Variants in CFAP91 observed in about 807,000 individuals in gnomAD.
CFAP91 encodes the protein cilia- and flagella-associated protein 91.
A neutral mutation model predicts 95.9 loss-of-function variants in CFAP91; 85 were observed. That is an observed-to-expected ratio of 0.89 (90% CI 0.74 to 1.06). CFAP91 has a LOEUF of 1.06. CFAP91 is among the 50% of genes least tolerant of loss of function. The pLI is 0.00. For synonymous variants in CFAP91, 335 were observed against 327.5 expected, an observed-to-expected ratio of 1.02 and a Z score of -0.25; for missense variants, 962 against 943.4, an observed-to-expected ratio of 1.02 and a Z score of -0.26.
intron 5 of CFAP91, chr3:119,715,291 C>A: frequency 1.8e-6 from 1 of 546,994 alleles, no homozygotes; most frequent in Non-Finnish European, 3.3e-6. Flanking sequence ...TACAACCTTG[C>A]CCAGTGACAC....
At chr3:119,751,151 A>C (rs2054318171) in intron 17 of CFAP91, 53 bp downstream of exon 17, 1 of 1,546,902 alleles carries the variant, frequency 6.5e-7, no homozygotes, top group Admixed American at 2.0e-5. Flanking sequence ...GAAAAGCGGC[A>C]TTGTTCAGCT....
At chr3:119,764,410 A>G (rs1054507374) in intron 17 of CFAP91, among the ~76,000 whole-genome samples, 1 of 152,134 alleles carries the variant, frequency 6.6e-6, no homozygotes, top group Non-Finnish European at 1.5e-5. Flanking sequence ...TTTCACAAAC[A>G]TATCTTTGAG....
intron 14 of CFAP91, 29 bp downstream of exon 14, chr3:119,744,225 G>GCTGGGTGTGTTTCCCACC (rs2054180552): frequency 1.3e-6 from 2 of 1,572,328 alleles, no homozygotes; most frequent in African/African-American, 2.7e-5. Flanking sequence ...GTGTGTGGAA[G>GCTGGGTGTGTTTCCCACC]CTGCCTAGAA....
intron 6 of CFAP91, among the ~76,000 whole-genome samples, chr3:119,724,344 T>C (rs1442273635): frequency 1.3e-5 from 2 of 152,098 alleles, no homozygotes; most frequent in African/African-American, 4.8e-5. Context: ...TGGGGCTCAA[T>C]GTGGTAGTTA....
chr3:119,759,332 A>G (rs1463732733), intron 17 of CFAP91, among the ~76,000 whole-genome samples: 1 of 152,034 alleles, frequency 6.6e-6, no homozygotes, highest in Non-Finnish European at 1.5e-5. Flanking sequence ...CTGTAAAAAT[A>G]AAATAAAAAT....
chr3:119,706,755 G>C, intron 1 of CFAP91, 54 bp from the exon 2 acceptor site: 1 of 1,330,056 alleles, frequency 7.5e-7, no homozygotes, highest in Non-Finnish European at 1.1e-6. Flanking sequence ...ATTATTCTCA[G>C]CCTAGGGGTA....
intron 1 of CFAP91, chr3:119,705,974 A>G (rs2053351854): frequency 6.6e-6 from 1 of 152,208 alleles, no homozygotes; most frequent in African/African-American, 2.4e-5. Flanking sequence ...TTCAAAAGAG[A>G]CTTGTTTCTA....
chr3:119,747,029 A>T (rs1469158408), intron 14 of CFAP91, 86 bp from the exon 15 acceptor site: 2 of 1,090,014 alleles, frequency 1.8e-6, no homozygotes, highest in Non-Finnish European at 2.6e-6. Flanking sequence ...TATGAGCTAG[A>T]AAAAGTTAAC....
chr3:119,709,458 C>T (rs1387567572), intron 4 of CFAP91, among the ~76,000 whole-genome samples: 2 of 152,150 alleles, frequency 1.3e-5, no homozygotes, highest in Non-Finnish European at 2.9e-5. Context: ...ACTGTGAATT[C>T]CAGAATGTCT....
At chr3:119,716,278 A>G (rs1559749915) in intron 6 of CFAP91, among the ~76,000 whole-genome samples, 1 of 152,256 alleles carries the variant, frequency 6.6e-6, no homozygotes, top group South Asian at 2.1e-4. Context: ...GCCTAGGCCT[A>G]TATTATGTGA....
rs530366924 is a variant in CFAP91, at chr3:119,714,578, T to G, written c.501-984T>G. ...TCTTGCTGTTTTACTTTTCTTTGAT[T>G]ACTAGTTATTTTCATTATCTTCTCA... On this transcript the variant is annotated intron_variant, in intron 5 of 17. Coordinates refer to ENST00000273390, the MANE Select transcript of CFAP91 (RefSeq NM_033364.4). Among the ~76,000 whole-genome samples the G allele has an allele frequency of 2.0e-5, 3 of 152,338 alleles. No individual in the cohort carries two copies. The South Asian group carries it at 6.2e-4, about 32-fold the overall frequency.
rs527902792 is a variant in CFAP91 at position 119,721,900 on chromosome 3, G to T, written c.683-4271G>T. On this transcript the variant is annotated intron_variant, in intron 6 of 17. Transcript: ENST00000273390. ...CAATTAGAAAAATTGTTGAGGCCAG[G>T]TGCAGTGGCTCACACCTGTAATCCC... Among the ~76,000 whole-genome samples, 413 of 152,238 alleles carry T rather than the reference G, an allele frequency of 2.7e-3. 2 individuals are homozygous for T. Among genetic ancestry groups the T allele is most frequent in the African/African-American group, 8.3e-3 (343 of 41,546 alleles).
chr3:119,737,438 C>A lies in CFAP91; in HGVS notation c.1417C>A (p.Pro473Thr). ...TCGCTTCCTTCAAAGAAACCCAATA[C>A]CTCAACCTCGGCTTCCAACTCCAAC... ...PPRFLQRNPI[P>T]QPRLPTPTLE... The change falls in exon 11 of 18, where the codon CCT becomes ACT. Residue 473 changes from proline (P) to threonine (T), a missense_variant. Coordinates refer to ENST00000273390, the MANE Select transcript of CFAP91 (RefSeq NM_033364.4). 6.2e-7 allele frequency: 1 copy of A among 1,611,248 alleles called. No individual in the cohort carries two copies. The highest frequency in any genetic ancestry group is 8.5e-7 in the Non-Finnish European group (1 of 1,179,006).
In CFAP91 at chr3:119,740,689, G is replaced by A. The variant is rs759717222; in HGVS notation, c.1674G>A (p.Glu558=). Residue 558 remains glutamate, a synonymous_variant, in exon 13 of 18, where the codon GAG becomes GAA. Transcript: ENST00000273390. Reference sequence around the variant, plus strand: ...TACAGCGGCAGAGGAACTTGCATGAGCACAAGGTTTTCCTTTTTTTGTTTT... The same window carrying A: ...TACAGCGGCAGAGGAACTTGCATGAACACAAGGTTTTCCTTTTTTTGTTTT... ...LALQRQRNLH[E]HKVSLVENHL... is the part of the protein sequence containing the mutation. 15 of 1,613,764 alleles carry A rather than the reference G, an allele frequency of 9.3e-6. No homozygotes were observed. Among genetic ancestry groups the A allele is most frequent in the East Asian group, 2.2e-5 (1 of 44,866 alleles).
chr3:119,754,763 G>A (rs2107917958), intron 17 of CFAP91, among the ~76,000 whole-genome samples: 1 of 152,360 alleles, frequency 6.6e-6, no homozygotes, highest in Non-Finnish European at 1.5e-5. Context: ...GCTCAGCAGA[G>A]CTATGGGGTG....
chr3:119,760,868 C>G (rs1366921042), intron 17 of CFAP91, among the ~76,000 whole-genome samples: 2 of 150,590 alleles, frequency 1.3e-5, no homozygotes, highest in Non-Finnish European at 3.0e-5. Context: ...TGGGATGCAA[C>G]AAAAGCAGTT....
intron 17 of CFAP91, among the ~76,000 whole-genome samples, chr3:119,755,173 C>T (rs971683464): frequency 6.6e-6 from 1 of 152,096 alleles, no homozygotes; most frequent in Non-Finnish European, 1.5e-5. Context: ...ATTTATGAGA[C>T]TTTGAACTTT....
At chr3:119,722,643 C>T (rs1331656295) in intron 6 of CFAP91, among the ~76,000 whole-genome samples, 2 of 152,026 alleles carry the variant, frequency 1.3e-5, no homozygotes, top group Non-Finnish European at 1.5e-5. Flanking sequence ...TCCACACCAC[C>T]ATGCCATGCT....
At chr3:119,733,218 G>T (rs1475780039) in intron 9 of CFAP91, 146 bp from the exon 10 acceptor site, 2 of 703,246 alleles carry the variant, frequency 2.8e-6, no homozygotes, top group Non-Finnish European at 4.5e-6. Context: ...TTACATTTCA[G>T]GGACACTTCA....
Sources: allele counts gnomAD v4.1 joint callset (sites outside exome capture counted in the v4.1 genomes callset), GRCh38; gene constraint gnomAD v4.1.1; transcripts MANE v1.5; gene names NCBI Gene and HGNC (gene_info 2026-07-23, HGNC 2026-07-21).